Variants in INSC observed in about 807,000 individuals in gnomAD.
INSC encodes protein inscuteable homolog.
INSC carries 67 observed loss-of-function variants against 58.6 expected under a neutral mutation model. The observed-to-expected ratio is 1.14, with a 90% CI of 0.94 to 1.40. The LOEUF is 1.40. Among genes scored for constraint, INSC ranks in the 40% most tolerant of loss-of-function variants. INSC has a pLI of 0.00. For missense variants in INSC, 714 were observed against 692.0 expected, an observed-to-expected ratio of 1.03 and a Z score of -0.36; for synonymous variants, 262 against 276.1, an observed-to-expected ratio of 0.95 and a Z score of 0.51.
chr11:15,159,094 G>A (rs1848924462), intron 2 of INSC, among the ~76,000 whole-genome samples: 1 of 152,124 alleles, frequency 6.6e-6, no homozygotes, highest in Non-Finnish European at 1.5e-5. Context: ...CCGTTTGGAG[G>A]GCAGAGCTGC....
chr11:15,122,959 G>C (rs1847907158), intron 1 of INSC, among the ~76,000 whole-genome samples: 1 of 152,152 alleles, frequency 6.6e-6, no homozygotes, highest in Admixed American at 6.5e-5. Context: ...ACAAGGTCTT[G>C]CTTGCCTGGC....
At chr11:15,258,796 T>C in the INSC span, among the ~76,000 whole-genome samples, 4 of 152,164 alleles carry the variant, frequency 2.6e-5, no homozygotes, top group Non-Finnish European at 5.9e-5. Context: ...AAATTTAAGA[T>C]CTTTTGCTCA....
rs1852590602 is a variant in INSC at position 15,247,050 on chromosome 11, T to G, written c.*1010T>G. 1 of 151,772 alleles carries G rather than the reference T, an allele frequency of 6.6e-6. No individual in the cohort carries two copies. Among genetic ancestry groups the G allele is most frequent in the Admixed American group, 6.6e-5 (1 of 15,228 alleles). The allele number at this position is 151,772 out of a possible 1,614,324, so 9.4% of individuals were successfully genotyped here. A position where few individuals can be genotyped will look rare whatever the true frequency, so the allele number is the denominator to read the frequency against. ...CGCTTTTTTTTTTTTTAGAGAGAGC[T>G]GGTTTACCAATTTCACTGCTTGAAA... On this transcript the variant is annotated 3_prime_UTR_variant, in exon 13 of 13. Transcript: ENST00000379556.
intron 9 of INSC, among the ~76,000 whole-genome samples, chr11:15,231,427 A>G (rs1222514394): frequency 6.6e-6 from 1 of 152,228 alleles, no homozygotes; most frequent in Non-Finnish European, 1.5e-5. Context: ...AAAAAATCTC[A>G]TAATGTTTTA....
intron 2 of INSC, among the ~76,000 whole-genome samples, chr11:15,154,113 T>C (rs1051704764): frequency 1.3e-5 from 2 of 152,240 alleles, no homozygotes; most frequent in Admixed American, 6.5e-5. Flanking sequence ...TCTTTTCTGC[T>C]CAAGGATAAA....
intron 1 of INSC, among the ~76,000 whole-genome samples, chr11:15,120,351 A>G (rs1847840568): frequency 6.6e-6 from 1 of 152,226 alleles, no homozygotes; most frequent in Admixed American, 6.5e-5. Context: ...TTGTAAACAA[A>G]TAAAGGCCTG....
intron 5 of INSC, among the ~76,000 whole-genome samples, chr11:15,190,190 C>T (rs924487526): frequency 6.6e-5 from 10 of 152,164 alleles, no homozygotes; most frequent in African/African-American, 2.4e-4. Flanking sequence ...GAAAAATATC[C>T]CTCAAGCAGT....
At chr11:15,179,120 T>G (rs1482284302) in intron 5 of INSC, among the ~76,000 whole-genome samples, 1 of 152,154 alleles carries the variant, frequency 6.6e-6, no homozygotes, top group Non-Finnish European at 1.5e-5. Context: ...GGAGCCTCAG[T>G]TAAGTTCCTG....
Position 15,218,562 on chromosome 11 carries a change from C to CTA in INSC, c.820-2903_820-2902dup, listed in dbSNP as rs372606638. ...GTTAAAACTTATTCTCTCTCTCTCT[C>CTA]TATATATATATATGTACATATATAT... On this transcript the variant is annotated intron_variant, in intron 7 of 12. Coordinates refer to ENST00000379556, the MANE Select transcript of INSC (RefSeq NM_001042536.3). Among the ~76,000 whole-genome samples the CTA allele has an allele frequency of 1.5e-3, 223 of 150,628 alleles. 1 individual carries two copies. The highest frequency in any genetic ancestry group is 4.8e-3 in the African/African-American group (196 of 40,988).
At chr11:15,211,969 C>T (rs533259105) in intron 7 of INSC, among the ~76,000 whole-genome samples, 29 of 151,878 alleles carry the variant, frequency 1.9e-4, no homozygotes, top group Middle Eastern at 3.4e-3. Context: ...CAACTTTGTT[C>T]TTCTTTAAGA....
At chr11:15,114,880 G>A (rs1359397612), upstream of INSC, 6 of 946,442 alleles carry the variant, frequency 6.3e-6, no homozygotes, top group South Asian at 9.7e-5. Flanking sequence ...GGGGTGGGGC[G>A]GGGGCCAGGG....
chr11:15,269,373 T>G, the INSC span, among the ~76,000 whole-genome samples: 6 of 152,042 alleles, frequency 3.9e-5, no homozygotes, highest in Non-Finnish European at 8.8e-5. Flanking sequence ...TTTTTCCTAA[T>G]CTGAAATTAA....
chr11:15,222,830 AATTG>A (rs1479892311), intron 8 of INSC, among the ~76,000 whole-genome samples: 7 of 152,180 alleles, frequency 4.6e-5, no homozygotes, highest in African/African-American at 1.7e-4. Context: ...ATTTATTCAA[AATTG>A]AGAAAACATG....
rs370216813 is a variant in INSC at position 15,124,435 on chromosome 11, A to G, written c.-46+9432A>G. On this transcript the variant is annotated intron_variant, in intron 1 of 12. Coordinates refer to ENST00000379556, the MANE Select transcript of INSC (RefSeq NM_001042536.3). ...GATTAGGCTCCTTATTCAGGTAGAT[A>G]TAAGATAGACTGGGCTTTGCAGAGG... Among the ~76,000 whole-genome samples the G allele has an allele frequency of 2.0e-5, 3 of 152,346 alleles. No individual in the cohort carries two copies. In the South Asian group the frequency reaches 6.2e-4, roughly 32 times the overall value.
chr11:15,112,173 G>A (rs1847585555), upstream of INSC, among the ~76,000 whole-genome samples: 1 of 152,152 alleles, frequency 6.6e-6, no homozygotes, highest in African/African-American at 2.4e-5. Context: ...GTTGGCCCAA[G>A]CCTGGACTCC....
intron 10 of INSC, 121 bp downstream of exon 10, chr11:15,235,789 A>G (rs1256387006): frequency 2.3e-6 from 2 of 869,352 alleles, no homozygotes; most frequent in East Asian, 2.4e-5. Flanking sequence ...GGGCGCAGGA[A>G]TCATGCCTGT....
At chr11:15,260,055 C>T in the INSC span, among the ~76,000 whole-genome samples, 1 of 152,078 alleles carries the variant, frequency 6.6e-6, no homozygotes, top group South Asian at 2.1e-4. Flanking sequence ...GTTTTATATC[C>T]AAGGTAGGCA....
At chr11:15,214,173 C>T (rs1370241617) in intron 7 of INSC, among the ~76,000 whole-genome samples, 1 of 152,166 alleles carries the variant, frequency 6.6e-6, no homozygotes, top group Non-Finnish European at 1.5e-5. Flanking sequence ...ATTGAATTTG[C>T]CCTCTAACTA....
intron 6 of INSC, among the ~76,000 whole-genome samples, chr11:15,191,433 C>T (rs867988290): frequency 1.8e-4 from 27 of 152,112 alleles, no homozygotes; most frequent in African/African-American, 6.3e-4. Context: ...CCTTCCCTTC[C>T]TGGCAGCTGT....
Sources: gnomAD v4.1 joint callset for allele counts (sites outside exome capture counted in the v4.1 genomes callset) on GRCh38, gnomAD v4.1.1 for gene constraint, MANE v1.5 for transcripts, NCBI Gene and HGNC (gene_info 2026-07-23, HGNC 2026-07-21) for gene names.